Variants in ATP2B2 observed in about 807,000 individuals in gnomAD.
ATP2B2 encodes the protein ATPase plasma membrane Ca2+ transporting 2.
ATP2B2 carries 15 observed loss-of-function variants against 120.0 expected under a neutral mutation model. That is an observed-to-expected ratio of 0.12 (90% CI 0.08 to 0.19). The LOEUF (loss-of-function observed/expected upper bound fraction) is 0.19. ATP2B2 is among the 10% of genes least tolerant of loss of function. ATP2B2 has a pLI of 1.00. For synonymous variants in ATP2B2, 694 were observed against 700.3 expected, an observed-to-expected ratio of 0.99 and a Z score of 0.14; for missense variants, 1,045 against 1,719.8, an observed-to-expected ratio of 0.61 and a Z score of 6.94.
Position 10,326,547 on chromosome 3 carries a change from G to A in ATP2B2, c.*2267C>T, listed in dbSNP as rs950227297. ...GAAAGGAAACTCCAAAAAACACCAT[G>A]TTCCAAGGCTGCCCCATGTTTTACA... On this transcript the variant is annotated 3_prime_UTR_variant, in exon 23 of 23. Transcript: ENST00000360273. The A allele has an allele frequency of 4.0e-5, 16 of 397,088 alleles. No individual in the cohort carries two copies. Among genetic ancestry groups the A allele is most frequent in the African/African-American group, 2.5e-4 (12 of 48,608 alleles). 24.6% of individuals were successfully genotyped at this position (397,088 alleles called of 1,614,324 possible). A position where few individuals can be genotyped will look rare whatever the true frequency, so the allele number is the denominator to read the frequency against.
chr3:10,362,421 A>G (rs2060928787), intron 12 of ATP2B2, among the ~76,000 whole-genome samples: 1 of 152,228 alleles, frequency 6.6e-6, no homozygotes, highest in Admixed American at 6.5e-5. Context: ...AGGCATTGAC[A>G]CGCAGTGGTC....
chr3:10,451,261 C>T (rs1276884441), intron 1 of ATP2B2, among the ~76,000 whole-genome samples: 5 of 152,280 alleles, frequency 3.3e-5, no homozygotes, highest in Admixed American at 6.5e-5. Context: ...CGTTTGTCTC[C>T]GAAGAGCCCT....
intron 1 of ATP2B2, among the ~76,000 whole-genome samples, chr3:10,498,502 G>C (rs1045063369): frequency 6.6e-6 from 1 of 152,218 alleles, no homozygotes; most frequent in African/African-American, 2.4e-5. Flanking sequence ...AGCATTCCCC[G>C]CCCACTGCCT....
chr3:10,397,295 T>A (rs908298830), intron 5 of ATP2B2, among the ~76,000 whole-genome samples: 1 of 152,086 alleles, frequency 6.6e-6, no homozygotes, highest in Non-Finnish European at 1.5e-5. Flanking sequence ...TGACACTACA[T>A]AGTAGTGTCG....
At chr3:10,607,975 C>CATCTCT (rs892267753) in intron 2 of ATP2B2, among the ~76,000 whole-genome samples, 1 of 152,150 alleles carries the variant, frequency 6.6e-6, no homozygotes, top group African/African-American at 2.4e-5. Context: ...CCCCTTGTCC[C>CATCTCT]CTCTCTCATC....
At chr3:10,349,265 C>T (rs868465976) in intron 16 of ATP2B2, among the ~76,000 whole-genome samples, 1 of 152,054 alleles carries the variant, frequency 6.6e-6, no homozygotes, top group Non-Finnish European at 1.5e-5. Context: ...CCAGCCTGGG[C>T]AATATAGTGA....
chr3:10,383,440 G>T (rs1575076770), intron 8 of ATP2B2, among the ~76,000 whole-genome samples: 1 of 152,134 alleles, frequency 6.6e-6, no homozygotes, highest in Admixed American at 6.5e-5. Context: ...TCAATCCAGT[G>T]GTTCTCAAAC....
intron 3 of ATP2B2, among the ~76,000 whole-genome samples, chr3:10,512,129 T>C (rs1000245727): frequency 6.6e-6 from 1 of 152,246 alleles, no homozygotes; most frequent in African/African-American, 2.4e-5. Flanking sequence ...CAAGGGTGCA[T>C]AGCTCTGTGG....
intron 1 of ATP2B2, among the ~76,000 whole-genome samples, chr3:10,676,094 T>G (rs2071235112): frequency 6.6e-6 from 1 of 152,200 alleles, no homozygotes. Context: ...ATTGTCTTTA[T>G]GGTGCATTGA....
At chr3:10,637,233 T>C (rs1343900693) in intron 1 of ATP2B2, among the ~76,000 whole-genome samples, 1 of 152,168 alleles carries the variant, frequency 6.6e-6, no homozygotes, top group African/African-American at 2.4e-5. Flanking sequence ...CAAAAATATC[T>C]AGTACCCAAT....
In ATP2B2 at chr3:10,577,225, G is replaced by A. The variant is rs1209308634; in HGVS notation, c.-415+42692C>T. On this transcript the variant is annotated intron_variant, in intron 2 of 21. Transcript: ENST00000646379. ...GAGAATCACATTCACCTTAGGACTT[G>A]AGAATCACTAGGCTGGGAGGCCAAC... 2.6e-5 allele frequency among the ~76,000 whole-genome samples: 4 copies of A among 152,126 alleles called. No individual in the cohort carries two copies. In the South Asian group the frequency reaches 6.2e-4, roughly 24 times the overall value.
rs148932276 is a variant in ATP2B2, at chr3:10,531,682, C to T, written c.-320+2357G>A. ...CTGGCAATCCAGGCGTTGGACTTAA[C>T]CACTCTGGGCCTTGCTTTCCTCTTC... On this transcript the variant is annotated intron_variant, in intron 3 of 21. Coordinates refer to the ATP2B2 transcript ENST00000646379. Among the ~76,000 whole-genome samples the T allele has an allele frequency of 4.6e-5, 7 of 152,318 alleles. No individual in the cohort carries two copies. In the East Asian group the frequency reaches 1.3e-3, roughly 29 times the overall value.
chr3:10,390,344 G>A (rs1213657958), intron 5 of ATP2B2, among the ~76,000 whole-genome samples: 1 of 152,158 alleles, frequency 6.6e-6, no homozygotes, highest in Non-Finnish European at 1.5e-5. Flanking sequence ...AAGGGTTGAG[G>A]GGTTCTGGGT....
At chr3:10,531,665 C>G (rs1371996230) in intron 3 of ATP2B2, among the ~76,000 whole-genome samples, 1 of 152,194 alleles carries the variant, frequency 6.6e-6, no homozygotes, top group Non-Finnish European at 1.5e-5. Context: ...TCCTGGCAAT[C>G]CAGGCGTTGG....
chr3:10,426,432 G>A (rs1159263745), intron 2 of ATP2B2, among the ~76,000 whole-genome samples: 1 of 152,188 alleles, frequency 6.6e-6, no homozygotes, highest in East Asian at 1.9e-4. Context: ...GGCATTTTCA[G>A]GCTGAAGACT....
chr3:10,333,673 C>G (rs35675), intron 22 of ATP2B2, among the ~76,000 whole-genome samples: 109,583 of 152,120 alleles, frequency 0.72, 40,497 homozygotes, highest in East Asian at 0.99. Context: ...TCTCAGGAGG[C>G]ACCCAGAATT....
At chr3:10,674,704 C>A (rs1194811133) in intron 1 of ATP2B2, among the ~76,000 whole-genome samples, 1 of 152,210 alleles carries the variant, frequency 6.6e-6, no homozygotes, top group African/African-American at 2.4e-5. Context: ...CTCATTTGTG[C>A]CCTCTGTCTC....
At chr3:10,532,634 A>G (rs2067234020) in intron 3 of ATP2B2, among the ~76,000 whole-genome samples, 1 of 152,208 alleles carries the variant, frequency 6.6e-6, no homozygotes, top group Admixed American at 6.5e-5. Context: ...TATTCAAGAG[A>G]TGGCATTAAA....
intron 2 of ATP2B2, among the ~76,000 whole-genome samples, chr3:10,560,204 T>C (rs2067871993): frequency 6.6e-6 from 1 of 152,222 alleles, no homozygotes; most frequent in Non-Finnish European, 1.5e-5. Flanking sequence ...GTAGTAGCTG[T>C]CTTTTATAAT....
Sources: gnomAD v4.1 joint callset for allele counts (sites outside exome capture counted in the v4.1 genomes callset) on GRCh38, gnomAD v4.1.1 for gene constraint, MANE v1.5 for transcripts, NCBI Gene and HGNC (gene_info 2026-07-23, HGNC 2026-07-21) for gene names.